Variants in CADM1 observed in about 807,000 individuals in gnomAD.
CADM1 encodes TSLC-1.
In CADM1, 15 loss-of-function variants were observed where a neutral mutation model predicts 53.1. That is an observed-to-expected ratio of 0.28 (90% CI 0.19 to 0.44). CADM1 has a LOEUF of 0.44. CADM1 is among the 20% of genes least tolerant of loss of function. The pLI is 1.00. For synonymous variants in CADM1, 281 were observed against 243.0 expected (o/e 1.16, Z -1.45); for missense variants, 434 against 611.3 (o/e 0.71, Z 3.06).
intron 1 of CADM1, among the ~76,000 whole-genome samples, chr11:115,343,936 C>A (rs1945511908): frequency 6.6e-6 from 1 of 151,998 alleles, no homozygotes. Context: ...AGACAAGAGA[C>A]CTGTTGCTCA....
At chr11:115,260,350 T>A (rs963580206) in intron 1 of CADM1, among the ~76,000 whole-genome samples, 1 of 152,244 alleles carries the variant, frequency 6.6e-6, no homozygotes, top group African/African-American at 2.4e-5. Context: ...ATGGTTCCCT[T>A]CCGTGGTTTG....
intron 1 of CADM1, among the ~76,000 whole-genome samples, chr11:115,482,727 A>T (rs1483648389): frequency 6.6e-6 from 1 of 152,234 alleles, no homozygotes; most frequent in African/African-American, 2.4e-5. Context: ...AGGAGCTGAC[A>T]ATCTCACAGA....
At chr11:115,410,824 G>A (rs924517090) in intron 1 of CADM1, among the ~76,000 whole-genome samples, 1 of 152,092 alleles carries the variant, frequency 6.6e-6, no homozygotes, top group Non-Finnish European at 1.5e-5. Flanking sequence ...AGTGTTGCTC[G>A]CATACACAGA....
At chr11:115,419,391 T>C (rs958801135) in intron 1 of CADM1, among the ~76,000 whole-genome samples, 3 of 152,186 alleles carry the variant, frequency 2.0e-5, no homozygotes, top group Admixed American at 1.3e-4. Flanking sequence ...TCAATCCCAG[T>C]AGAAGATTCT....
chr11:115,319,008 A>G (rs1944749973), intron 1 of CADM1, among the ~76,000 whole-genome samples: 1 of 152,126 alleles, frequency 6.6e-6, no homozygotes, highest in African/African-American at 2.4e-5. Context: ...AAACAATAGG[A>G]TCTTGAATTA....
At chr11:115,187,165 TTTA>T (rs1368607822) in intron 10 of CADM1, among the ~76,000 whole-genome samples, 8 of 152,334 alleles carry the variant, frequency 5.3e-5, no homozygotes, top group African/African-American at 1.7e-4. Flanking sequence ...TTTTTAATGT[TTTA>T]TTATCATTAT....
At chr11:115,500,672 A>T (rs1341883153) in intron 1 of CADM1, among the ~76,000 whole-genome samples, 1 of 152,200 alleles carries the variant, frequency 6.6e-6, no homozygotes, top group Non-Finnish European at 1.5e-5. Context: ...TTCTTGACAC[A>T]TGTCATAGAA....
intron 5 of CADM1, among the ~76,000 whole-genome samples, chr11:115,226,882 ACT>A (rs1391647675): frequency 2.0e-5 from 3 of 152,154 alleles, no homozygotes; most frequent in Non-Finnish European, 4.4e-5. Context: ...TTCCTGGCTG[ACT>A]CTGCAAAGTT....
At chr11:115,280,623 T>TTATTCACATTG (rs1943561304) in intron 1 of CADM1, among the ~76,000 whole-genome samples, 2 of 151,864 alleles carry the variant, frequency 1.3e-5, no homozygotes, top group African/African-American at 4.8e-5. Context: ...ACACAGAGAG[T>TTATTCACATTG]TATTCACATT....
At chr11:115,346,718 A>G (rs1945588761) in intron 1 of CADM1, among the ~76,000 whole-genome samples, 1 of 152,186 alleles carries the variant, frequency 6.6e-6, no homozygotes, top group Admixed American at 6.5e-5. Flanking sequence ...CCAAAGGGTC[A>G]CCGGCTAACC....
chr11:115,375,819 A>G (rs1343290987), intron 1 of CADM1, among the ~76,000 whole-genome samples: 1 of 152,296 alleles, frequency 6.6e-6, no homozygotes, highest in Non-Finnish European at 1.5e-5. Context: ...AAAGGTGGTT[A>G]TAATTTCTCT....
At chr11:115,467,390 C>T (rs1948919764) in intron 1 of CADM1, among the ~76,000 whole-genome samples, 1 of 152,150 alleles carries the variant, frequency 6.6e-6, no homozygotes, top group Admixed American at 6.5e-5. Flanking sequence ...AGGTGCAAGG[C>T]TGCTCTTTCC....
At chr11:115,498,176 C>T (rs1237909964) in intron 1 of CADM1, among the ~76,000 whole-genome samples, 1 of 152,084 alleles carries the variant, frequency 6.6e-6, no homozygotes, top group East Asian at 1.9e-4. Flanking sequence ...CCTTCACCAC[C>T]ATCCCACAAA....
chr11:115,422,557 A>G (rs1356860647), intron 1 of CADM1, among the ~76,000 whole-genome samples: 1 of 152,334 alleles, frequency 6.6e-6, no homozygotes, highest in Non-Finnish European at 1.5e-5. Context: ...CATGGCCACT[A>G]AACTACCAAG....
chr11:115,268,365 G>A (rs1943204907), intron 1 of CADM1, among the ~76,000 whole-genome samples: 1 of 152,150 alleles, frequency 6.6e-6, no homozygotes. Context: ...GCTGGACAAT[G>A]CTAGAGGCTT....
At chr11:115,327,515 T>TA (rs1021591675) in intron 1 of CADM1, among the ~76,000 whole-genome samples, 4 of 125,174 alleles carry the variant, frequency 3.2e-5, no homozygotes, top group African/African-American at 1.2e-4. Flanking sequence ...TTGGAATACA[T>TA]AAGAGTTTTT....
intron 1 of CADM1, among the ~76,000 whole-genome samples, chr11:115,361,452 C>T (rs1946026432): frequency 6.6e-6 from 1 of 152,118 alleles, no homozygotes; most frequent in African/African-American, 2.4e-5. Context: ...ACAGTAGATC[C>T]AGCACTGTGA....
intron 9 of CADM1, among the ~76,000 whole-genome samples, chr11:115,197,173 T>C (rs909052351): frequency 6.6e-6 from 1 of 152,230 alleles, no homozygotes; most frequent in Admixed American, 6.5e-5. Context: ...TGGGGTGACC[T>C]GCCAAGCATC....
chr11:115,293,215 G>A (rs909956791), intron 1 of CADM1, among the ~76,000 whole-genome samples: 8 of 152,116 alleles, frequency 5.3e-5, no homozygotes, highest in South Asian at 2.1e-4. Context: ...GGTGGATCCC[G>A]GGGTCAGGAG....
Sources: gnomAD v4.1 joint callset for allele counts (sites outside exome capture counted in the v4.1 genomes callset) on GRCh38, gnomAD v4.1.1 for gene constraint, MANE v1.5 for transcripts, NCBI Gene and HGNC (gene_info 2026-07-23, HGNC 2026-07-21) for gene names.